The following PALS2 variants were observed in gnomAD, a reference collection of about 807,000 sequenced individuals.
PALS2 encodes the protein protein PALS2.
A neutral mutation model predicts 61.6 loss-of-function variants in PALS2; 27 were observed. The ratio of observed to expected loss-of-function variants is 0.44; its 90% CI spans 0.32 to 0.60. The LOEUF is 0.60. PALS2 is among the 20% of genes least tolerant of loss of function. The pLI is 0.05. For missense variants in PALS2, 554 were observed against 639.4 expected (o/e 0.87, Z 1.44); for synonymous variants, 236 against 218.6 (o/e 1.08, Z -0.70).
intron 5 of PALS2, among the ~76,000 whole-genome samples, chr7:24,654,099 A>G (rs1786293961): frequency 6.6e-6 from 1 of 152,130 alleles, no homozygotes; most frequent in African/African-American, 2.4e-5. Flanking sequence ...TAAGTCTATA[A>G]ATTCCAAGAC....
At chr7:24,660,652 C>T (rs1325036525) in intron 5 of PALS2, among the ~76,000 whole-genome samples, 1 of 152,074 alleles carries the variant, frequency 6.6e-6, no homozygotes, top group Non-Finnish European at 1.5e-5. Flanking sequence ...AGGTTGCTTC[C>T]AATCTTTTGT....
At chr7:24,623,983 AG>A (rs1252998204) in intron 2 of PALS2, 199 bp downstream of exon 2, 33 of 1,090,190 alleles carry the variant, frequency 3.0e-5, no homozygotes, top group Non-Finnish European at 4.2e-5. Flanking sequence ...CTTTAAATAC[AG>A]GATGAAATGA....
chr7:24,642,276 A>C (rs1156993374), intron 3 of PALS2, among the ~76,000 whole-genome samples: 1 of 152,176 alleles, frequency 6.6e-6, no homozygotes, highest in African/African-American at 2.4e-5. Context: ...ACCATGGAAC[A>C]TAGAGAGCTG....
chr7:24,595,515 TA>T, intron 1 of PALS2, among the ~76,000 whole-genome samples: 1 of 105,140 alleles, frequency 9.5e-6, no homozygotes, highest in African/African-American at 4.7e-5. Flanking sequence ...ATATAATATA[TA>T]ATATATATAA....
chr7:24,627,516 G>A (rs1784798852), intron 2 of PALS2, among the ~76,000 whole-genome samples: 1 of 152,040 alleles, frequency 6.6e-6, no homozygotes, highest in African/African-American at 2.4e-5. Context: ...TAAGATCAGA[G>A]CAGAACTGAA....
intron 11 of PALS2, among the ~76,000 whole-genome samples, chr7:24,680,980 G>C (rs1346307028): frequency 6.6e-6 from 1 of 152,152 alleles, no homozygotes; most frequent in Non-Finnish European, 1.5e-5. Flanking sequence ...GTTAGGATCT[G>C]GAACAGTATT....
chr7:24,588,653 T>TTTA (rs1379419369), intron 1 of PALS2, among the ~76,000 whole-genome samples: 3 of 152,206 alleles, frequency 2.0e-5, no homozygotes, highest in Non-Finnish European at 4.4e-5. Context: ...TTAGAATGAT[T>TTTA]TTATTCTTGC....
chr7:24,582,434 T>A (rs915127511), intron 1 of PALS2, among the ~76,000 whole-genome samples: 1 of 152,214 alleles, frequency 6.6e-6, no homozygotes, highest in Non-Finnish European at 1.5e-5. Context: ...CATTTTGTTT[T>A]AGTTCTGTAA....
At chr7:24,585,536 C>T (rs79968383) in intron 1 of PALS2, among the ~76,000 whole-genome samples, 7,952 of 152,124 alleles carry the variant, frequency 0.052, 269 homozygotes, top group African/African-American at 0.089. Context: ...GCTCAGCTTG[C>T]TATATAGCCA....
intron 1 of PALS2, among the ~76,000 whole-genome samples, chr7:24,588,826 C>A (rs947433355): frequency 6.6e-6 from 1 of 152,116 alleles, no homozygotes; most frequent in African/African-American, 2.4e-5. Context: ...AATAATTCAT[C>A]ATAATATGAA....
In PALS2 at chr7:24,596,769, G is replaced by A. The variant is rs1783540649; in HGVS notation, c.-3+23176G>A. Among the ~76,000 whole-genome samples, 1 of 152,126 alleles carries A rather than the reference G, an allele frequency of 6.6e-6. No homozygotes were observed. The highest frequency in any genetic ancestry group is 1.5e-5 in the Non-Finnish European group (1 of 68,010). Reference sequence around the variant, plus strand: ...CTGTGTGAGCACTACACTTTAACAAGGATATTTCTGGACATAGTAGGAAGC... The same window carrying A: ...CTGTGTGAGCACTACACTTTAACAAAGATATTTCTGGACATAGTAGGAAGC... On this transcript the variant is annotated intron_variant, in intron 1 of 11. Transcript: ENST00000222644. This position sits in a 1 kb window ranked among gnomAD's most constrained non-coding sequence, Gnocchi z 4.5.
intron 2 of PALS2, among the ~76,000 whole-genome samples, chr7:24,626,343 A>T (rs1178808883): frequency 6.6e-6 from 1 of 152,210 alleles, no homozygotes; most frequent in Non-Finnish European, 1.5e-5. Context: ...TGTGAAACAT[A>T]CTCAAAATAT....
intron 2 of PALS2, among the ~76,000 whole-genome samples, chr7:24,628,467 A>G (rs555343950): frequency 4.6e-4 from 70 of 152,218 alleles, no homozygotes; most frequent in African/African-American, 1.6e-3. Flanking sequence ...ACAAGGATGC[A>G]CTCTCTCACC....
intron 5 of PALS2, among the ~76,000 whole-genome samples, chr7:24,656,317 C>G (rs1470651403): frequency 6.6e-6 from 1 of 152,150 alleles, no homozygotes; most frequent in African/African-American, 2.4e-5. Flanking sequence ...TAATTATTGT[C>G]ATTTGCATAA....
intron 1 of PALS2, among the ~76,000 whole-genome samples, chr7:24,582,620 T>A (rs1382085454): frequency 6.6e-6 from 1 of 152,120 alleles, no homozygotes; most frequent in African/African-American, 2.4e-5. Flanking sequence ...CTTCTTTTTA[T>A]TTACTAGAAT....
chr7:24,618,167 A>C lies in PALS2; in HGVS notation c.-2-5499A>C, dbSNP rs1478259464. ...GTGCAACTACCCGGCCACCATGGGG[A>C]CATGTCAGCTGCTCAGTTGCTCAGG... On this transcript the variant is annotated intron_variant, in intron 1 of 11. Transcript: ENST00000222644. This position sits in a 1 kb window ranked among gnomAD's most constrained non-coding sequence, Gnocchi z 5.1. Among the ~76,000 whole-genome samples, 1 of 152,090 alleles carries C rather than the reference A, an allele frequency of 6.6e-6. No homozygotes were observed. Among genetic ancestry groups the C allele is most frequent in the Non-Finnish European group, 1.5e-5 (1 of 68,010 alleles).
At chr7:24,630,052 C>G (rs1456125482) in intron 2 of PALS2, among the ~76,000 whole-genome samples, 1 of 152,080 alleles carries the variant, frequency 6.6e-6, no homozygotes, top group Non-Finnish European at 1.5e-5. Flanking sequence ...GCACTATTCA[C>G]AATAGCAAAG....
chr7:24,690,909 T>C lies in PALS2; in HGVS notation c.*3295T>C, dbSNP rs1242728645. The C allele has an allele frequency of 6.6e-6, 1 of 152,128 alleles. No homozygotes were observed. The highest frequency in any genetic ancestry group is 1.9e-4 in the East Asian group (1 of 5,196). 9.4% of individuals were successfully genotyped at this position (152,128 alleles called of 1,614,324 possible). A position where few individuals can be genotyped will look rare whatever the true frequency, so the allele number is the denominator to read the frequency against. On this transcript the variant is annotated 3_prime_UTR_variant, in exon 12 of 12. Transcript: ENST00000222644. ...ATAGTAGTTCTTAAGAAGTTTCCTT[T>C]AAAGCAACAAATAGATTATTAAGGC...
chr7:24,598,721 CA>C (rs1241784383), intron 1 of PALS2, among the ~76,000 whole-genome samples: 1 of 152,188 alleles, frequency 6.6e-6, no homozygotes, highest in African/African-American at 2.4e-5. Context: ...TGTGTACACA[CA>C]CAATCAAAGT....
Sources: allele counts gnomAD v4.1 joint callset (sites outside exome capture counted in the v4.1 genomes callset), GRCh38; gene constraint gnomAD v4.1.1; non-coding constraint Gnocchi (gnomAD v3.1); transcripts MANE v1.5; gene names NCBI Gene and HGNC (gene_info 2026-07-23, HGNC 2026-07-21).